KIAA0825: variants seen among roughly 807,000 people sequenced by gnomAD.
KIAA0825 encodes the protein uncharacterized protein KIAA0825.
KIAA0825 carries 119 observed loss-of-function variants against 147.6 expected under a neutral mutation model. The observed-to-expected ratio is 0.81, with a 90% CI of 0.69 to 0.94. The LOEUF (loss-of-function observed/expected upper bound fraction) is 0.94. Among genes scored for constraint, KIAA0825 ranks in the 40% least tolerant of loss-of-function variants. The pLI, the probability that KIAA0825 is intolerant of heterozygous loss-of-function variation, is 0.00. For missense variants in KIAA0825, 1,381 were observed against 1,472.7 expected, an observed-to-expected ratio of 0.94 and a Z score of 1.02; for synonymous variants, 470 against 518.1, an observed-to-expected ratio of 0.91 and a Z score of 1.26.
chr5:94,301,182 T>A (rs764059376), intron 20 of KIAA0825, among the ~76,000 whole-genome samples: 1 of 152,172 alleles, frequency 6.6e-6, no homozygotes, highest in Non-Finnish European at 1.5e-5. Context: ...GTTAGGAAGA[T>A]AATTTATGGG....
chr5:94,230,928 T>C (rs190209257), intron 20 of KIAA0825, among the ~76,000 whole-genome samples: 139 of 152,302 alleles, frequency 9.1e-4, no homozygotes, highest in African/African-American at 3.2e-3. Context: ...GTTTCAATTG[T>C]TGTAGCCTCC....
chr5:94,391,539 T>C lies in KIAA0825; in HGVS notation c.3452A>G (p.Asn1151Ser), dbSNP rs75413171. The change falls in exon 18 of 21, where the codon AAT becomes AGT. Residue 1151 changes from asparagine (N) to serine (S), a missense_variant. By Grantham distance (46) the Asn-to-Ser change is conservative. Transcript: ENST00000682413. ...ATAAAAAGGCCGTTTCCCTACCTCA[T>C]TGAGCTGCATGATGTGATAAATTTG... is the stretch of plus-strand genomic sequence containing the variant. ...LRQIYHIMQL[N>S]EEYLKEQLFS... The C allele has an allele frequency of 2.3e-4, 356 of 1,549,718 alleles. 2 individuals are homozygous for C. The East Asian group carries it at 6.7e-3, about 29-fold the overall frequency.
At chr5:94,472,936 A>G (rs1024984403) in intron 8 of KIAA0825, among the ~76,000 whole-genome samples, 1 of 152,174 alleles carries the variant, frequency 6.6e-6, no homozygotes, top group African/African-American at 2.4e-5. Context: ...AGATTTTTTT[A>G]AGTGCCCAAA....
chr5:94,428,431 G>A (rs1755200107), intron 14 of KIAA0825, among the ~76,000 whole-genome samples: 1 of 152,218 alleles, frequency 6.6e-6, no homozygotes. Flanking sequence ...TCTCTTGTAA[G>A]GCTGCTCTGG....
chr5:94,490,113 T>G lies in KIAA0825; in HGVS notation c.971-5183A>C, dbSNP rs1038435951. On this transcript the variant is annotated intron_variant, in intron 5 of 20. Transcript: ENST00000682413. The stretch of plus-strand genomic sequence containing the variant: ...GCTGTTAGGAAAAAAACCTAAAGAA[T>G]AGTTGAAGTTCCTTAGACACAGTCA... 4.2e-4 allele frequency among the ~76,000 whole-genome samples: 64 copies of G among 152,098 alleles called. 2 individuals are homozygous for G. The highest frequency in any genetic ancestry group is 8.8e-5 in the Non-Finnish European group (6 of 68,000).
intron 16 of KIAA0825, among the ~76,000 whole-genome samples, chr5:94,396,836 T>TGTAGGCTTTG (rs1750726256): frequency 6.6e-6 from 1 of 152,064 alleles, no homozygotes; most frequent in Non-Finnish European, 1.5e-5. Flanking sequence ...TGGGCAGCTT[T>TGTAGGCTTTG]GTAGGCTTTG....
intron 5 of KIAA0825, among the ~76,000 whole-genome samples, chr5:94,495,445 T>G (rs1392118645): frequency 6.6e-6 from 1 of 152,222 alleles, no homozygotes; most frequent in East Asian, 1.9e-4. Flanking sequence ...AAAAGCATCT[T>G]TAAGTGGGTT....
At chr5:94,527,278 A>T (rs1471064626) in intron 3 of KIAA0825, among the ~76,000 whole-genome samples, 3 of 152,006 alleles carry the variant, frequency 2.0e-5, no homozygotes, top group Non-Finnish European at 4.4e-5. Flanking sequence ...TTAATATTGA[A>T]CTGGTACAGT....
chr5:94,473,304 CT>C lies in KIAA0825; in HGVS notation c.1442del (p.Lys481ArgfsTer64). The C allele has an allele frequency of 1.3e-6, 2 of 1,551,524 alleles. No individual in the cohort carries two copies. Among genetic ancestry groups the C allele is most frequent in the East Asian group, 4.9e-5 (2 of 40,916 alleles). On this transcript the variant is annotated frameshift_variant, in exon 8 of 21. Transcript: ENST00000682413. LOFTEE classifies it high-confidence loss of function. ...SHMFPEEEQP[K>X]KIGKFCSDIM... ...TTCATATACTTGCTTTTCCAATTTT[CT>C]TTGGTTGTTCCTCCTCAGGAAACAT...
intron 20 of KIAA0825, among the ~76,000 whole-genome samples, chr5:94,291,129 T>A (rs763178987): frequency 6.6e-6 from 1 of 152,250 alleles, no homozygotes; most frequent in Non-Finnish European, 1.5e-5. Context: ...CAGAACTCTT[T>A]AATTAGATCC....
At chr5:94,493,501 T>C (rs1289607923) in intron 5 of KIAA0825, among the ~76,000 whole-genome samples, 1 of 152,156 alleles carries the variant, frequency 6.6e-6, no homozygotes, top group African/African-American at 2.4e-5. Flanking sequence ...TTTGTTGTTG[T>C]TGTTGAGACG....
intron 20 of KIAA0825, among the ~76,000 whole-genome samples, chr5:94,352,538 C>G (rs1283594750): frequency 6.6e-6 from 1 of 152,126 alleles, no homozygotes; most frequent in Non-Finnish European, 1.5e-5. Context: ...AAAAGTAGGA[C>G]TACCATTTGA....
chr5:94,380,531 G>C (rs1314357077), intron 20 of KIAA0825, among the ~76,000 whole-genome samples: 1 of 152,234 alleles, frequency 6.6e-6, no homozygotes, highest in Non-Finnish European at 1.5e-5. Context: ...TTCTACCACA[G>C]AGGGTAAGAT....
At chr5:94,557,791 C>T (rs1303864221) in intron 2 of KIAA0825, among the ~76,000 whole-genome samples, 5 of 152,168 alleles carry the variant, frequency 3.3e-5, no homozygotes, top group African/African-American at 1.2e-4. Flanking sequence ...TCTTTGGGTC[C>T]CCTCCCTTTG....
chr5:94,334,483 T>A (rs6874107), intron 20 of KIAA0825, among the ~76,000 whole-genome samples: 14 of 151,740 alleles, frequency 9.2e-5, no homozygotes, highest in South Asian at 2.1e-4. Context: ...TTAATTTTTT[T>A]AATTTTTTTA....
chr5:94,443,488 T>G (rs534401959), intron 13 of KIAA0825, among the ~76,000 whole-genome samples: 1 of 152,184 alleles, frequency 6.6e-6, no homozygotes, highest in Admixed American at 6.6e-5. Flanking sequence ...GGAGACAGGA[T>G]GAATTGATGG....
intron 20 of KIAA0825, among the ~76,000 whole-genome samples, chr5:94,340,903 T>C (rs1782300213): frequency 6.6e-6 from 1 of 152,220 alleles, no homozygotes; most frequent in Admixed American, 6.5e-5. Flanking sequence ...GGAAGAGGCC[T>C]GAGATGTATT....
chr5:94,242,425 G>C (rs573358070), intron 20 of KIAA0825, among the ~76,000 whole-genome samples: 1 of 152,164 alleles, frequency 6.6e-6, no homozygotes, highest in Non-Finnish European at 1.5e-5. Flanking sequence ...AACGTGAGTG[G>C]TCTCTCTGCT....
At chr5:94,237,909 T>A (rs1472310179) in intron 20 of KIAA0825, among the ~76,000 whole-genome samples, 3 of 152,170 alleles carry the variant, frequency 2.0e-5, no homozygotes, top group Non-Finnish European at 1.5e-5. Context: ...TTTTGAGTCT[T>A]CTGTATTCAC....
Sources: gnomAD v4.1 joint callset for allele counts (sites outside exome capture counted in the v4.1 genomes callset) on GRCh38, gnomAD v4.1.1 for gene constraint, MANE v1.5 for transcripts, NCBI Gene and HGNC (gene_info 2026-07-23, HGNC 2026-07-21) for gene names.